The following MDFIC variants were observed in gnomAD, a reference collection of about 807,000 sequenced individuals.
MDFIC encodes myoD family inhibitor domain-containing protein.
A neutral mutation model predicts 23.2 loss-of-function variants in MDFIC; 17 were observed. The ratio of observed to expected loss-of-function variants is 0.73; its 90% CI spans 0.50 to 1.10. The LOEUF is 1.10. Ranked by LOEUF, MDFIC falls within the 50% of genes least tolerant of loss-of-function variation. The pLI, the probability that MDFIC is intolerant of heterozygous loss-of-function variation, is 0.00. For missense variants in MDFIC, 356 were observed against 316.6 expected (o/e 1.12, Z -0.95); for synonymous variants, 120 against 115.2 (o/e 1.04, Z -0.27).
rs766428834 is a variant in MDFIC, at chr7:115,016,729, C to T, written c.*794C>T. ...TTTAAAAGAAACTTTAGGAAACAAA[C>T]CCACATAATAGTTGGGAACCAGTGT... On this transcript the variant is annotated 3_prime_UTR_variant, in exon 5 of 5. Coordinates refer to ENST00000393486, the MANE Select transcript of MDFIC (RefSeq NM_001166345.3). 6.5e-6 allele frequency: 1 copy of T among 153,266 alleles called. No individual in the cohort carries two copies. Among genetic ancestry groups the T allele is most frequent in the Non-Finnish European group, 1.4e-5 (1 of 69,056 alleles). 9.5% of individuals were successfully genotyped at this position (153,266 alleles called of 1,614,324 possible). A position where few individuals can be genotyped will look rare whatever the true frequency, so the allele number is the denominator to read the frequency against.
chr7:114,938,926 T>C (rs530227446), intron 2 of MDFIC, among the ~76,000 whole-genome samples: 41 of 152,288 alleles, frequency 2.7e-4, no homozygotes, highest in African/African-American at 9.1e-4. Flanking sequence ...TAGAAATTGG[T>C]TACTAGAAAC....
rs796775808 is a variant in MDFIC at position 114,998,681 on chromosome 7, T to C, written c.494-17007T>C. Among the ~76,000 whole-genome samples the C allele has an allele frequency of 6.7e-4, 102 of 152,264 alleles. 1 individual carries two copies. Among genetic ancestry groups the C allele is most frequent in the African/African-American group, 1.9e-3 (77 of 41,568 alleles). On this transcript the variant is annotated intron_variant, in intron 4 of 4. Transcript: ENST00000393486. ...TGGTGGCTTTATAAATTACCTGTTT[T>C]CCCCCCAATGTTTTGTTGCTATATT...
chr7:114,998,938 T>A (rs1466694536), intron 4 of MDFIC, among the ~76,000 whole-genome samples: 2 of 152,208 alleles, frequency 1.3e-5, no homozygotes, highest in African/African-American at 4.8e-5. Flanking sequence ...GGAGCATCTA[T>A]CTTTGCAGAT....
chr7:114,973,586 T>C (rs1482975153), intron 3 of MDFIC, among the ~76,000 whole-genome samples: 1 of 152,280 alleles, frequency 6.6e-6, no homozygotes, highest in East Asian at 1.9e-4. Context: ...AAGAATCTCT[T>C]ACTCCAGGCA....
intron 2 of MDFIC, among the ~76,000 whole-genome samples, chr7:114,941,395 T>C (rs182538375): frequency 1.1e-4 from 17 of 152,322 alleles, no homozygotes; most frequent in East Asian, 1.9e-4. Context: ...CCACTCATAG[T>C]ACTTCACAGT....
At chr7:114,999,223 A>G (rs2116070688) in intron 4 of MDFIC, among the ~76,000 whole-genome samples, 1 of 152,302 alleles carries the variant, frequency 6.6e-6, no homozygotes, top group Non-Finnish European at 1.5e-5. Flanking sequence ...ATAGTGTAAT[A>G]CTTTTTCAGA....
At chr7:114,938,858 C>G (rs2709485) in intron 2 of MDFIC, among the ~76,000 whole-genome samples, 1,539 of 152,134 alleles carry the variant, frequency 0.01, 29 homozygotes, top group African/African-American at 0.035. Context: ...TTTATTAAAC[C>G]AGGGCTGAGT....
chr7:114,945,576 A>G (rs1792628336), intron 3 of MDFIC, among the ~76,000 whole-genome samples: 1 of 152,204 alleles, frequency 6.6e-6, no homozygotes, highest in Non-Finnish European at 1.5e-5. Flanking sequence ...AACATATTAC[A>G]GAGAATACAT....
At position 114,975,561 on chromosome 7, in the gene MDFIC, CTT is replaced by C. The variant is rs5886744; in HGVS notation, c.218-3933_218-3932del. Among the ~76,000 whole-genome samples, 675 of 147,192 alleles carry C rather than the reference CTT, an allele frequency of 4.6e-3. 4 individuals carry two copies. Among genetic ancestry groups the C allele is most frequent in the Admixed American group, 0.012 (175 of 14,768 alleles). ...ATTGTGTCGTTTCCATATTAGCATGCTTTTTTTTTTTTTAAAGCCATACACAA... is the reference window on the plus strand; with the variant it reads ...ATTGTGTCGTTTCCATATTAGCATGCTTTTTTTTTTTAAAGCCATACACAA... On this transcript the variant is annotated intron_variant, in intron 3 of 4. Transcript: ENST00000393486.
intron 4 of MDFIC, among the ~76,000 whole-genome samples, chr7:114,991,625 G>C (rs931790379): frequency 1.3e-5 from 2 of 152,090 alleles, no homozygotes; most frequent in African/African-American, 4.8e-5. Context: ...CCCATTTCTT[G>C]TTTTTGTCAG....
chr7:114,942,830 A>T (rs972490518), intron 3 of MDFIC, among the ~76,000 whole-genome samples: 17 of 152,262 alleles, frequency 1.1e-4, no homozygotes, highest in African/African-American at 2.6e-4. Context: ...TGTTAAAAAA[A>T]TTTTTTGTGA....
intron 3 of MDFIC, among the ~76,000 whole-genome samples, chr7:114,950,869 T>G (rs1563140308): frequency 6.6e-6 from 1 of 152,108 alleles, no homozygotes. Flanking sequence ...AGATGCCTCA[T>G]TGAAACTTAA....
intron 4 of MDFIC, among the ~76,000 whole-genome samples, chr7:114,994,767 C>A (rs185631899): frequency 6.6e-6 from 1 of 152,288 alleles, no homozygotes; most frequent in Non-Finnish European, 1.5e-5. Context: ...ACCTTTCTCT[C>A]TGGCTGCCCT....
chr7:115,010,004 G>T (rs1791648097), intron 4 of MDFIC, among the ~76,000 whole-genome samples: 1 of 152,124 alleles, frequency 6.6e-6, no homozygotes, highest in Non-Finnish European at 1.5e-5. Flanking sequence ...CTTCTCAGAG[G>T]TTAAACAGTT....
chr7:114,950,025 T>C (rs894831491), intron 3 of MDFIC, among the ~76,000 whole-genome samples: 10 of 151,972 alleles, frequency 6.6e-5, no homozygotes, highest in Admixed American at 6.6e-4. Context: ...TGGTGAGAAA[T>C]GAGAAAGAAT....
At chr7:115,000,032 A>G (rs1204036162) in intron 4 of MDFIC, among the ~76,000 whole-genome samples, 1 of 152,176 alleles carries the variant, frequency 6.6e-6, no homozygotes, top group African/African-American at 2.4e-5. Context: ...ATGTCTTTAA[A>G]AAGAAGCACA....
intron 4 of MDFIC, among the ~76,000 whole-genome samples, chr7:115,001,325 A>G (rs1177803605): frequency 5.3e-5 from 8 of 152,226 alleles, no homozygotes. Flanking sequence ...CTAAATTTCC[A>G]CTATAACTTC....
intron 4 of MDFIC, among the ~76,000 whole-genome samples, chr7:115,011,452 T>C (rs1169239934): frequency 6.6e-6 from 1 of 152,208 alleles, no homozygotes; most frequent in African/African-American, 2.4e-5. Context: ...GCATTGAAGC[T>C]AGAGCTCCCA....
intron 3 of MDFIC, among the ~76,000 whole-genome samples, chr7:114,965,953 G>T (rs938224479): frequency 6.6e-6 from 1 of 152,144 alleles, no homozygotes; most frequent in Non-Finnish European, 1.5e-5. Context: ...ACACCGCCAT[G>T]TAGTGTTGCT....
Sources: gnomAD v4.1 joint callset for allele counts (sites outside exome capture counted in the v4.1 genomes callset) on GRCh38, gnomAD v4.1.1 for gene constraint, MANE v1.5 for transcripts, NCBI Gene and HGNC (gene_info 2026-07-23, HGNC 2026-07-21) for gene names.